Variants in RBPJ observed in about 807,000 individuals in gnomAD.
The protein encoded by RBPJ is recombining binding protein suppressor of hairless.
A neutral mutation model predicts 67.8 loss-of-function variants in RBPJ; 9 were observed. The ratio of observed to expected loss-of-function variants is 0.13; its 90% CI spans 0.08 to 0.23. The LOEUF is 0.23. Among genes scored for constraint, RBPJ ranks in the 10% least tolerant of loss-of-function variants. The probability of loss-of-function intolerance (pLI) is 1.00; values close to 1 mark genes in which losing one functional copy is unlikely to be tolerated. For missense variants in RBPJ, 305 were observed against 595.6 expected (o/e 0.51, Z 5.08); for synonymous variants, 198 against 203.3 (o/e 0.97, Z 0.22).
chr4:26,198,233 A>G (rs535228609), intron 1 of RBPJ, among the ~76,000 whole-genome samples: 1 of 151,020 alleles, frequency 6.6e-6, no homozygotes, highest in South Asian at 2.1e-4. Context: ...CAGCTTGGGC[A>G]ACAAGAGCGA....
At chr4:26,203,832 CG>C (rs1282394848) in intron 1 of RBPJ, among the ~76,000 whole-genome samples, 4 of 152,174 alleles carry the variant, frequency 2.6e-5, no homozygotes, top group African/African-American at 9.7e-5. Flanking sequence ...TCAGATCAAC[CG>C]GACCAGAATT....
rs150172667 is a variant in RBPJ at position 26,414,167 on chromosome 4, A to G, written c.156-1308A>G. ...AACTACTTCTTTGGGTAACTAAAGGATATTCCTAATTTTTTTTTTTTTAAG... is the reference window on the plus strand; with the variant it reads ...AACTACTTCTTTGGGTAACTAAAGGGTATTCCTAATTTTTTTTTTTTTAAG... On this transcript the variant is annotated intron_variant, in intron 3 of 10. Coordinates refer to ENST00000355476, the MANE Select transcript of RBPJ (RefSeq NM_015874.6). 5.3e-5 allele frequency among the ~76,000 whole-genome samples: 8 copies of G among 151,912 alleles called. No homozygotes were observed. In the East Asian group the frequency reaches 1.4e-3, roughly 26 times the overall value.
intron 1 of RBPJ, among the ~76,000 whole-genome samples, chr4:26,379,391 T>C (rs917960151): frequency 8.5e-5 from 13 of 152,152 alleles, no homozygotes; most frequent in Admixed American, 6.6e-4. Context: ...AAAGAACTGC[T>C]TGAGACTGAA....
At chr4:26,143,454 T>A in the RBPJ span, among the ~76,000 whole-genome samples, 16 of 152,394 alleles carry the variant, frequency 1.0e-4, no homozygotes, top group African/African-American at 3.8e-4. Flanking sequence ...GGAGCCATCT[T>A]GGAAGTGGTT....
the RBPJ span, among the ~76,000 whole-genome samples, chr4:26,149,425 C>T: frequency 4.4e-4 from 67 of 152,318 alleles, no homozygotes; most frequent in African/African-American, 1.6e-3. Context: ...AGCAGTGTTA[C>T]TTTCAAGGTA....
At chr4:26,324,102 A>T (rs1723369212) in intron 1 of RBPJ, among the ~76,000 whole-genome samples, 1 of 152,176 alleles carries the variant, frequency 6.6e-6, no homozygotes, top group South Asian at 2.1e-4. Context: ...AACTTGCCAC[A>T]TCTGCACAGG....
intron 1 of RBPJ, among the ~76,000 whole-genome samples, chr4:26,169,618 C>G (rs535327337): frequency 6.6e-6 from 1 of 152,182 alleles, no homozygotes; most frequent in Admixed American, 6.5e-5. Context: ...CAGACAGGGA[C>G]ATTTAAGTCT....
chr4:26,302,371 A>T (rs1431200132), intron 1 of RBPJ, among the ~76,000 whole-genome samples: 1 of 152,194 alleles, frequency 6.6e-6, no homozygotes, highest in African/African-American at 2.4e-5. Context: ...CTATTTCTTC[A>T]TACTTTCTTC....
intron 1 of RBPJ, among the ~76,000 whole-genome samples, chr4:26,267,633 A>T (rs1331051851): frequency 6.6e-6 from 1 of 150,862 alleles, no homozygotes; most frequent in Admixed American, 6.6e-5. Context: ...ATTTTTTGAG[A>T]TGGAGTCTCT....
rs576606030 is a variant in RBPJ, at chr4:26,365,118, T to C, written c.21-21235T>C. Among the ~76,000 whole-genome samples the C allele has an allele frequency of 3.8e-3, 574 of 151,544 alleles. 4 individuals are homozygous for C. The highest frequency in any genetic ancestry group is 0.013 in the African/African-American group (549 of 41,380). ...ATTTATATATAGATAATTATATATA[T>C]ACACACAGTGCAGGTTTGGGCATGT... On this transcript the variant is annotated intron_variant, in intron 1 of 10. Transcript: ENST00000355476.
intron 1 of RBPJ, among the ~76,000 whole-genome samples, chr4:26,279,326 G>C (rs1460160893): frequency 2.0e-5 from 3 of 152,092 alleles, no homozygotes. Context: ...CTGTCACCAC[G>C]CTGGAGTGCA....
chr4:26,410,040 A>G (rs1045227538), intron 3 of RBPJ: 1 of 454,892 alleles, frequency 2.2e-6, no homozygotes, highest in African/African-American at 2.0e-5. Flanking sequence ...TTTAAAAAAC[A>G]GGTGTTAGTA....
intron 5 of RBPJ, among the ~76,000 whole-genome samples, chr4:26,421,310 T>C (rs964450448): frequency 6.8e-6 from 1 of 146,272 alleles, no homozygotes. Context: ...GAGACTTTTC[T>C]TTTTTTTTTT....
In RBPJ at chr4:26,276,350, G is replaced by C. The variant is rs1226953800; in HGVS notation, c.-166-86096G>C. On this transcript the variant is annotated intron_variant, in intron 1 of 4. Coordinates refer to the RBPJ transcript ENST00000512351. ...GTAAATTTTAAGTTTCTACTTTTAA[G>C]GTCTCTGATTTTAAAAACACTTCCC... 2.6e-5 allele frequency among the ~76,000 whole-genome samples: 4 copies of C among 151,754 alleles called. No individual in the cohort carries two copies. In the East Asian group the frequency reaches 7.7e-4, roughly 29 times the overall value.
At chr4:26,252,129 G>A (rs1720136152) in intron 1 of RBPJ, among the ~76,000 whole-genome samples, 1 of 151,376 alleles carries the variant, frequency 6.6e-6, no homozygotes, top group South Asian at 2.1e-4. Context: ...TTGCATGGAT[G>A]GATATAGTAT....
chr4:26,398,288 C>T (rs1476427147), intron 2 of RBPJ, among the ~76,000 whole-genome samples: 1 of 152,184 alleles, frequency 6.6e-6, no homozygotes, highest in Non-Finnish European at 1.5e-5. Flanking sequence ...CTCTCCCACA[C>T]TCCCTCCACT....
chr4:26,135,875 C>A, the RBPJ span, among the ~76,000 whole-genome samples: 60 of 152,116 alleles, frequency 3.9e-4, no homozygotes, highest in Non-Finnish European at 8.4e-4. Context: ...AGAAGAAGCT[C>A]AGAGATGGAC....
chr4:26,285,026 T>C (rs1271427210), intron 1 of RBPJ, among the ~76,000 whole-genome samples: 1 of 151,876 alleles, frequency 6.6e-6, no homozygotes, highest in African/African-American at 2.4e-5. Context: ...CTGGTTAATT[T>C]TTGTATTTTT....
At chr4:26,174,856 C>CAT (rs1056587787) in intron 1 of RBPJ, among the ~76,000 whole-genome samples, 1 of 152,002 alleles carries the variant, frequency 6.6e-6, no homozygotes, top group Non-Finnish European at 1.5e-5. Flanking sequence ...TATATGTACA[C>CAT]ATATATATGT....
Sources: allele counts gnomAD v4.1 joint callset (sites outside exome capture counted in the v4.1 genomes callset), GRCh38; gene constraint gnomAD v4.1.1; transcripts MANE v1.5; gene names NCBI Gene and HGNC (gene_info 2026-07-23, HGNC 2026-07-21).